Variants in USP20 observed in about 807,000 individuals in gnomAD.
USP20 encodes ubiquitin carboxyl-terminal hydrolase 20.
In USP20, 80 loss-of-function variants were observed where a neutral mutation model predicts 124.2. The observed-to-expected ratio is 0.64, with a 90% CI of 0.54 to 0.78. The LOEUF is 0.78. USP20 is among the 30% of genes least tolerant of loss of function. USP20 has a pLI of 0.00. For missense variants in USP20, 1,043 were observed against 1,244.4 expected (o/e 0.84, Z 2.44); for synonymous variants, 481 against 512.3 (o/e 0.94, Z 0.83).
chr9:129,875,700 A>G (rs1042210700), intron 21 of USP20, 59 bp downstream of exon 21: 12 of 1,555,750 alleles, frequency 7.7e-6, no homozygotes, highest in Non-Finnish European at 1.8e-6. Context: ...TGGGCAGGAA[A>G]AGAGGGGAGG....
intron 16 of USP20, 48 bp from the exon 17 acceptor site, chr9:129,873,651 C>T: frequency 1.2e-6 from 2 of 1,613,878 alleles, no homozygotes; most frequent in South Asian, 1.1e-5. Flanking sequence ...TTCCCTGGCC[C>T]CTGGCCCTGA....
At chr9:129,869,585 A>G in intron 13 of USP20, 87 bp from the exon 14 acceptor site, 1 of 1,571,800 alleles carries the variant, frequency 6.4e-7, no homozygotes, top group Non-Finnish European at 8.7e-7. Flanking sequence ...CCTGGGGAGT[A>G]GTCCCTCTGC....
At position 129,869,443 on chromosome 9, in the gene USP20, G is replaced by C. The variant is rs776172625; in HGVS notation, c.1392+18G>C. The C allele has an allele frequency of 3.0e-5, 48 of 1,609,126 alleles. No individual in the cohort carries two copies. The highest frequency in any genetic ancestry group is 3.7e-5 in the Non-Finnish European group (44 of 1,176,190). ...GTGACCGGGTGGGTGCCCCAGGGAT[G>C]GGGGGAGCTGGGCCAGGCTGCCAGT... is the stretch of plus-strand genomic sequence containing the variant. On this transcript the variant is annotated intron_variant, in intron 13 of 25. Coordinates refer to ENST00000372429, the MANE Select transcript of USP20 (RefSeq NM_001110303.4).
chr9:129,874,807 C>T (rs927658065), intron 18 of USP20, 22 bp from the exon 19 acceptor site: 1 of 1,613,896 alleles, frequency 6.2e-7, no homozygotes, highest in Admixed American at 1.7e-5. Flanking sequence ...ATCCCTGTGA[C>T]CCGTCTGCTC....
At chr9:129,846,247 A>ATTTTTT (rs35809246) in intron 1 of USP20, among the ~76,000 whole-genome samples, 12 of 32,662 alleles carry the variant, frequency 3.7e-4, no homozygotes, top group East Asian at 2.1e-3. Flanking sequence ...ATATATATAT[A>ATTTTTT]TTTTTTTTTT....
intron 7 of USP20, among the ~76,000 whole-genome samples, 153 bp downstream of exon 7, chr9:129,861,186 AC>A (rs761997267): frequency 5.1e-4 from 77 of 152,126 alleles, no homozygotes; most frequent in Non-Finnish European, 7.5e-4. Flanking sequence ...TGGTGGCTTC[AC>A]CCCAGAAGTT....
intron 6 of USP20, among the ~76,000 whole-genome samples, chr9:129,860,596 C>T (rs1015373264): frequency 1.3e-5 from 2 of 152,098 alleles, no homozygotes; most frequent in Non-Finnish European, 2.9e-5. Flanking sequence ...GCTGTGCATG[C>T]ACCTGTAGTC....
rs1335904531 is a variant in USP20 at position 129,875,580 on chromosome 9, C to A, written c.2239C>A (p.His747Asn). The change falls in exon 21 of 26, where the codon CAC (histidine) becomes AAC (asparagine). Residue 747 changes from histidine to asparagine, a missense_variant. His to Asn is a moderately conservative substitution (Grantham distance 68). Coordinates refer to ENST00000372429, the MANE Select transcript of USP20 (RefSeq NM_001110303.4). ...SHGGIPPHKY[H>N]YIDDLVVILP... The stretch of plus-strand genomic sequence containing the variant: ...CCCAGGCATCCCGCCCCACAAATAC[C>A]ACTACATCGACGACCTGGTGGTCAT... 1 of 1,614,130 alleles carries A rather than the reference C, an allele frequency of 6.2e-7. No homozygotes were observed. Among genetic ancestry groups the A allele is most frequent in the Non-Finnish European group, 8.5e-7 (1 of 1,180,016 alleles).
intron 2 of USP20, among the ~76,000 whole-genome samples, 181 bp from the exon 3 acceptor site, chr9:129,852,359 A>G (rs917228303): frequency 1.3e-5 from 2 of 152,218 alleles, no homozygotes; most frequent in African/African-American, 4.8e-5. Context: ...CACTGGGGCA[A>G]CTGTTATCTT....
chr9:129,848,124 CCA>C (rs2032690488), intron 1 of USP20, among the ~76,000 whole-genome samples: 3 of 152,194 alleles, frequency 2.0e-5, no homozygotes, highest in Admixed American at 6.5e-5. Flanking sequence ...TGGAGAAACT[CCA>C]TCTCTACTAA....
intron 3 of USP20, among the ~76,000 whole-genome samples, chr9:129,853,609 G>A (rs934787053): frequency 6.6e-6 from 1 of 152,210 alleles, no homozygotes; most frequent in Non-Finnish European, 1.5e-5. Context: ...GGTGGCCTTT[G>A]GCCTGAGCTG....
chr9:129,850,023 T>G (rs1179443602), intron 2 of USP20, 99 bp downstream of exon 2: 5 of 104,362 alleles, frequency 4.8e-5, no homozygotes, highest in African/African-American at 9.6e-5. Flanking sequence ...GATTATGGGG[T>G]TTTTTTTTTT....
intron 1 of USP20, among the ~76,000 whole-genome samples, chr9:129,840,164 C>T (rs1283154208): frequency 2.6e-5 from 4 of 152,228 alleles, no homozygotes; most frequent in Non-Finnish European, 5.9e-5. Context: ...CCTGGAAGCA[C>T]GTTCTTTCAG....
In USP20 at chr9:129,879,764, C is replaced by T; in HGVS notation, c.2584+120C>T. ...CTGTCTTAGAGTCAGGCTGAGACGT[C>T]CACCTGAGTCCAGACCCAGGCGGCT... On this transcript the variant is annotated intron_variant, in intron 24 of 25. Transcript: ENST00000372429. The surrounding 1 kb of genome is among the most constrained non-coding windows in gnomAD (Gnocchi z 4.2). 8.6e-7 allele frequency: 1 copy of T among 1,158,994 alleles called. No individual in the cohort carries two copies. The highest frequency in any genetic ancestry group is 1.4e-5 in the South Asian group (1 of 72,188). The allele number at this position is 1,158,994 out of a possible 1,614,324, so 71.8% of individuals were successfully genotyped here. A position where few individuals can be genotyped will look rare whatever the true frequency, so the allele number is the denominator to read the frequency against.
chr9:129,863,097 C>A, intron 8 of USP20, 89 bp from the exon 9 acceptor site: 1 of 981,932 alleles, frequency 1.0e-6, no homozygotes, highest in Non-Finnish European at 1.4e-6. Flanking sequence ...CCTGTGCGAG[C>A]ACTCAGGGCT....
rs1480709219 is a variant in USP20, at chr9:129,881,498, G to A, written c.*1048G>A. The A allele has an allele frequency of 6.6e-6, 1 of 152,214 alleles. No individual in the cohort carries two copies. The highest frequency in any genetic ancestry group is 2.4e-5 in the African/African-American group (1 of 41,452). 9.4% of individuals were successfully genotyped at this position (152,214 alleles called of 1,614,324 possible). The stretch of plus-strand genomic sequence containing the variant: ...GCAGACGGGGCGTGGGTGGGGAAGG[G>A]GCTCTGGGACCAGACCCCCCACACT... On this transcript the variant is annotated 3_prime_UTR_variant, in exon 26 of 26. Coordinates refer to ENST00000372429, the MANE Select transcript of USP20 (RefSeq NM_001110303.4).
intron 16 of USP20, 73 bp from the exon 17 acceptor site, chr9:129,873,624 GCC>G (rs2034241667): frequency 1.2e-6 from 2 of 1,613,458 alleles, no homozygotes; most frequent in South Asian, 2.2e-5. Flanking sequence ...CCAGAAGGGA[GCC>G]GGGTGGAGGG....
intron 8 of USP20, among the ~76,000 whole-genome samples, chr9:129,862,756 A>C (rs2062804): frequency 0.5 from 76,138 of 151,134 alleles, 19,641 homozygotes; most frequent in East Asian, 0.78. Flanking sequence ...ATACAAAAAA[A>C]TTAGCCAGGC....
At chr9:129,847,691 G>A (rs766180520) in intron 1 of USP20, among the ~76,000 whole-genome samples, 4 of 152,014 alleles carry the variant, frequency 2.6e-5, no homozygotes, top group Admixed American at 2.6e-4. Context: ...CAGTGCACAC[G>A]ATTTGACAGG....
Sources: gnomAD v4.1 joint callset for allele counts (sites outside exome capture counted in the v4.1 genomes callset) on GRCh38, gnomAD v4.1.1 for gene constraint, Gnocchi (gnomAD v3.1) non-coding constraint, MANE v1.5 for transcripts, NCBI Gene and HGNC (gene_info 2026-07-23, HGNC 2026-07-21) for gene names.